The following UBA6 variants were observed in gnomAD, a reference collection of about 807,000 sequenced individuals.
UBA6 encodes the protein ubiquitin-like modifier-activating enzyme 6.
A neutral mutation model predicts 148.3 loss-of-function variants in UBA6; 87 were observed. The observed-to-expected ratio is 0.59, with a 90% confidence interval of 0.49 to 0.70. The LOEUF is 0.70. Ranked by LOEUF, UBA6 falls within the 30% of genes least tolerant of loss-of-function variation. UBA6 has a pLI of 0.00. For synonymous variants in UBA6, 376 were observed against 401.0 expected, an observed-to-expected ratio of 0.94 and a Z score of 0.75; for missense variants, 1,186 against 1,241.2, an observed-to-expected ratio of 0.96 and a Z score of 0.67.
chr4:67,677,010 G>T (rs931716111), intron 6 of UBA6, among the ~76,000 whole-genome samples: 2 of 152,022 alleles, frequency 1.3e-5, no homozygotes, highest in African/African-American at 4.8e-5. Context: ...TTGAACTACT[G>T]ATCCATGTAT....
At chr4:67,645,463 G>A (rs373678441) in intron 16 of UBA6, among the ~76,000 whole-genome samples, 100 of 152,210 alleles carry the variant, frequency 6.6e-4, no homozygotes, top group African/African-American at 2.3e-3. Context: ...CCTGGGCGTG[G>A]TGGCACGCCC....
chr4:67,690,374 C>A (rs1322063780), intron 2 of UBA6, among the ~76,000 whole-genome samples: 1 of 151,970 alleles, frequency 6.6e-6, no homozygotes. Flanking sequence ...GGAAAGAGGC[C>A]TCATAACACT....
In UBA6 at chr4:67,638,969, A is replaced by G; in HGVS notation, c.1710T>C (p.Asn570=). The G allele has an allele frequency of 1.9e-6, 3 of 1,609,174 alleles. No homozygotes were observed. Among genetic ancestry groups the G allele is most frequent in the Non-Finnish European group, 2.5e-6 (3 of 1,177,470 alleles). ...TGTCTACGTATCTCCTGGCTTCCAC[A>G]TTATCTAATGCTGTAATAATTACAT... ...KQDVIITALD[N]VEARRYVDSR... Residue 570 remains asparagine, a synonymous_variant, in exon 19 of 33, where the codon AAT becomes AAC. Coordinates refer to ENST00000322244, the MANE Select transcript of UBA6 (RefSeq NM_018227.6).
chr4:67,625,508 T>G (rs1423234361), intron 28 of UBA6, among the ~76,000 whole-genome samples: 2 of 151,848 alleles, frequency 1.3e-5, no homozygotes, highest in African/African-American at 4.8e-5. Context: ...ACATCTCCTA[T>G]CAAGTGGTTT....
intron 19 of UBA6, among the ~76,000 whole-genome samples, chr4:67,636,884 G>A (rs1360168897): frequency 2.7e-5 from 4 of 145,548 alleles, no homozygotes; most frequent in South Asian, 2.3e-4. Flanking sequence ...CCCTCTGCCC[G>A]GCTGCCCAGT....
At chr4:67,686,821 GCA>G (rs1730576200) in intron 2 of UBA6, among the ~76,000 whole-genome samples, 1 of 151,158 alleles carries the variant, frequency 6.6e-6, no homozygotes, top group Non-Finnish European at 1.5e-5. Context: ...AGGTGTGGTG[GCA>G]CACACCTGTG....
chr4:67,658,524 GAAC>G (rs1351984499), intron 13 of UBA6, among the ~76,000 whole-genome samples: 1 of 151,888 alleles, frequency 6.6e-6, no homozygotes, highest in Admixed American at 6.6e-5. Flanking sequence ...ACACTGAGGG[GAAC>G]AACACGCACT....
intron 2 of UBA6, among the ~76,000 whole-genome samples, chr4:67,691,920 G>A (rs987543855): frequency 6.6e-6 from 1 of 152,116 alleles, no homozygotes; most frequent in Non-Finnish European, 1.5e-5. Flanking sequence ...CAGGATTGCT[G>A]AAAGAAAGTC....
chr4:67,648,939 G>T, intron 14 of UBA6, 129 bp downstream of exon 14: 1 of 927,788 alleles, frequency 1.1e-6, no homozygotes, highest in Non-Finnish European at 1.6e-6. Context: ...GAGGCATACT[G>T]CTTGCATCTC....
chr4:67,681,730 A>ATT (rs1213987997), intron 3 of UBA6, 139 bp from the exon 4 acceptor site: 2 of 606,472 alleles, frequency 3.3e-6, no homozygotes, highest in Non-Finnish European at 5.6e-6. Context: ...TTGTCTTAAA[A>ATT]AAGTTACAAA....
At chr4:67,637,553 A>T (rs1472109893) in intron 19 of UBA6, among the ~76,000 whole-genome samples, 1 of 152,156 alleles carries the variant, frequency 6.6e-6, no homozygotes, top group African/African-American at 2.4e-5. Context: ...GTGTAGAAAG[A>T]AGTAGACATA....
intron 2 of UBA6, among the ~76,000 whole-genome samples, chr4:67,685,882 T>C (rs963175250): frequency 6.6e-6 from 1 of 152,148 alleles, no homozygotes; most frequent in South Asian, 2.1e-4. Context: ...CTAGCCTCCA[T>C]AACTGTGAGC....
chr4:67,698,686 G>C (rs548827136), intron 1 of UBA6, among the ~76,000 whole-genome samples: 2 of 152,266 alleles, frequency 1.3e-5, no homozygotes, highest in South Asian at 4.1e-4. Flanking sequence ...TGGGATGGGC[G>C]CGGTGGCTCA....
chr4:67,675,435 T>G (rs1428599667), intron 6 of UBA6, among the ~76,000 whole-genome samples: 2 of 152,126 alleles, frequency 1.3e-5, no homozygotes, highest in Admixed American at 1.3e-4. Flanking sequence ...TTCTCCTAAA[T>G]TCTTGGAGGT....
rs143538900 is a variant in UBA6 at position 67,617,014 on chromosome 4, T to C, written c.*1983A>G. 81 of 152,146 alleles carry C rather than the reference T, an allele frequency of 5.3e-4. 1 individual carries two copies. Among genetic ancestry groups the C allele is most frequent in the African/African-American group, 1.9e-3 (77 of 41,554 alleles). The allele number at this position is 152,146 out of a possible 1,614,324, so 9.4% of individuals were successfully genotyped here. On this transcript the variant is annotated 3_prime_UTR_variant, in exon 33 of 33. Transcript: ENST00000322244. ...AGAAATCATGGCAATAACCATTAAC[T>C]ATAGAAAAAAAGTAATGGAAAAATG...
intron 18 of UBA6, among the ~76,000 whole-genome samples, chr4:67,640,233 C>A (rs1427512171): frequency 6.6e-6 from 1 of 152,134 alleles, no homozygotes; most frequent in Non-Finnish European, 1.5e-5. Context: ...TAAGAATGAA[C>A]AGGACTTTAT....
At chr4:67,646,364 T>G (rs1224495875) in intron 15 of UBA6, among the ~76,000 whole-genome samples, 2 of 152,190 alleles carry the variant, frequency 1.3e-5, no homozygotes, top group East Asian at 3.8e-4. Context: ...TTGGGTTATG[T>G]GTATTTTAGG....
chr4:67,651,013 A>G (rs1004766836), intron 13 of UBA6, among the ~76,000 whole-genome samples: 2 of 152,184 alleles, frequency 1.3e-5, no homozygotes, highest in African/African-American at 2.4e-5. Flanking sequence ...AGAGAAGAGA[A>G]TACTACAAAA....
chr4:67,676,310 C>A (rs765664935), intron 6 of UBA6, among the ~76,000 whole-genome samples: 3 of 152,168 alleles, frequency 2.0e-5, no homozygotes, highest in Non-Finnish European at 4.4e-5. Flanking sequence ...AGGCGTGAGC[C>A]ACCGCGCCCA....
Sources: gnomAD v4.1 joint callset for allele counts (sites outside exome capture counted in the v4.1 genomes callset) on GRCh38, gnomAD v4.1.1 for gene constraint, MANE v1.5 for transcripts, NCBI Gene and HGNC (gene_info 2026-07-23, HGNC 2026-07-21) for gene names.